DOCK7: variants seen among roughly 807,000 people sequenced by gnomAD.
DOCK7 encodes the protein dedicator of cytokinesis protein 7.
In DOCK7, 138 loss-of-function variants were observed where a neutral mutation model predicts 271.0. That is an observed-to-expected ratio of 0.51 (90% CI 0.44 to 0.59). The LOEUF is 0.59. DOCK7 is among the 20% of genes least tolerant of loss of function. The pLI is 0.00. For synonymous variants in DOCK7, 823 were observed against 876.1 expected (o/e 0.94, Z 1.07); for missense variants, 2,066 against 2,592.4 (o/e 0.80, Z 4.41).
chr1:62,504,687 C>T lies in DOCK7; in HGVS notation c.4707G>A (p.Arg1569=). 1 of 1,613,890 alleles carries T rather than the reference C, an allele frequency of 6.2e-7. No individual in the cohort carries two copies. Among genetic ancestry groups the T allele is most frequent in the Non-Finnish European group, 8.5e-7 (1 of 1,179,894 alleles). ...RHCSSSIGTI[R]SHASASLYLL... is the part of the protein sequence containing the mutation. The stretch of plus-strand genomic sequence containing the variant: ...GGTAAAGGGAGGCACTGGCGTGTGA[C>T]CGTATTGTACCGATGCTACTGCTAC... The change falls in exon 37 of 50, where the codon CGG becomes CGA. Residue 1569 remains arginine (R), a synonymous_variant. Coordinates refer to ENST00000635253, the MANE Select transcript of DOCK7 (RefSeq NM_001367561.1).
intron 1 of DOCK7, among the ~76,000 whole-genome samples, chr1:62,667,816 G>A (rs1487354905): frequency 6.6e-5 from 10 of 152,252 alleles, no homozygotes; most frequent in Admixed American, 1.3e-4. Context: ...TCAGGAGTTC[G>A]CGACCAGTCT....
chr1:62,660,412 CA>C (rs1280128075), intron 2 of DOCK7, among the ~76,000 whole-genome samples: 2 of 151,790 alleles, frequency 1.3e-5, no homozygotes, highest in South Asian at 2.1e-4. Flanking sequence ...AAATGTAAAC[CA>C]AAAGTATAAG....
intron 31 of DOCK7, among the ~76,000 whole-genome samples, chr1:62,517,615 A>C (rs1644704468): frequency 6.6e-6 from 1 of 152,058 alleles, no homozygotes; most frequent in African/African-American, 2.4e-5. Context: ...CAACAAAAAA[A>C]CCACCTCCAT....
At chr1:62,644,932 T>C (rs1259897942) in intron 7 of DOCK7, among the ~76,000 whole-genome samples, 1 of 152,194 alleles carries the variant, frequency 6.6e-6, no homozygotes, top group Non-Finnish European at 1.5e-5. Flanking sequence ...CTATATTTTA[T>C]TTCTCTGAGA....
Position 62,553,309 on chromosome 1 carries a change from A to ATTTT in DOCK7, c.2597-412_2597-409dup, listed in dbSNP as rs775716298. Among the ~76,000 whole-genome samples, 87 of 34,506 alleles carry ATTTT rather than the reference A, an allele frequency of 2.5e-3. 3 individuals are homozygous for ATTTT. The highest frequency in any genetic ancestry group is 1.7e-3 in the Non-Finnish European group (29 of 16,822). The allele number at this position is 34,506 out of a possible 152,430, so 22.6% of individuals were successfully genotyped here. The stretch of plus-strand genomic sequence containing the variant: ...AGGCAGGGTCTTCTAAATAAAAAGT[A>ATTTT]TTTTATATATATATATATATATATA... On this transcript the variant is annotated intron_variant, in intron 21 of 49. Transcript: ENST00000635253.
intron 48 of DOCK7, among the ~76,000 whole-genome samples, chr1:62,466,210 T>C (rs921293617): frequency 1.3e-5 from 2 of 151,974 alleles, no homozygotes; most frequent in Non-Finnish European, 2.9e-5. Context: ...GTTGTTGTTG[T>C]TTTTTCTGAA....
chr1:62,467,084 A>G (rs1306496229), intron 48 of DOCK7, among the ~76,000 whole-genome samples: 1 of 152,200 alleles, frequency 6.6e-6, no homozygotes, highest in Non-Finnish European at 1.5e-5. Context: ...GCACTATGGA[A>G]GAGAACTCTG....
chr1:62,623,283 A>G (rs1407600361), intron 12 of DOCK7, among the ~76,000 whole-genome samples: 4 of 152,232 alleles, frequency 2.6e-5, no homozygotes, highest in Admixed American at 2.6e-4. Context: ...CTACTTAAAA[A>G]TAGTTACAAA....
At chr1:62,477,666 A>G (rs1233846049) in intron 44 of DOCK7, 34 bp downstream of exon 44, 8 of 1,552,778 alleles carry the variant, frequency 5.2e-6, no homozygotes, top group Non-Finnish European at 6.9e-6. Context: ...ATACAAACTA[A>G]AGATGACATT....
At position 62,528,317 on chromosome 1, in the gene DOCK7, T is replaced by C. The variant is rs1409282507; in HGVS notation, c.3782-12A>G. 1.2e-6 allele frequency: 2 copies of C among 1,600,882 alleles called. No individual in the cohort carries two copies. The highest frequency in any genetic ancestry group is 4.5e-5 in the East Asian group (2 of 44,482). On this transcript the variant is annotated splice_polypyrimidine_tract_variant and intron_variant, in intron 30 of 49. Transcript: ENST00000635253. ...TTGATTGTGAGTTTCTAAAGAAAAA[T>C]AATCCAAAAAAATAAATAAAACTGT... is the stretch of plus-strand genomic sequence containing the variant.
intron 37 of DOCK7, among the ~76,000 whole-genome samples, chr1:62,500,484 A>G (rs2149311997): frequency 6.6e-6 from 1 of 152,240 alleles, no homozygotes. Context: ...CCCCAAACAC[A>G]GGAACAAAAC....
Position 62,663,126 on chromosome 1 carries a change from C to T in DOCK7, c.43G>A (p.Val15Met). 1.9e-6 allele frequency: 3 copies of T among 1,610,886 alleles called. No individual in the cohort carries two copies. The highest frequency in any genetic ancestry group is 2.5e-6 in the Non-Finnish European group (3 of 1,178,598). Residue 15 changes from valine (V) to methionine (M), a missense_variant, in exon 2 of 50, where the codon GTG (valine) becomes ATG (methionine). By Grantham distance (21) the Val-to-Met change is conservative (BLOSUM62 1). This residue lies in a region of DOCK7 where 1,414 missense variants were observed against 1,670.4 expected (regional missense o/e 0.85). Transcript: ENST00000635253. ...RAFAQKISRT[V>M]AAEVRKQISG... ...ATCTGCTTCCTAACTTCGGCTGCCA[C>T]CGTTCTACAATGAAGAAAGCAAAAA...
At chr1:62,468,457 A>C (rs1000548947) in intron 48 of DOCK7, among the ~76,000 whole-genome samples, 13 of 152,234 alleles carry the variant, frequency 8.5e-5, no homozygotes, top group Middle Eastern at 3.4e-3. Context: ...AGCCAACATA[A>C]TACTGAATGG....
intron 1 of DOCK7, among the ~76,000 whole-genome samples, chr1:62,672,242 A>G (rs1660097931): frequency 6.6e-6 from 1 of 152,148 alleles, no homozygotes; most frequent in East Asian, 1.9e-4. Flanking sequence ...TCATACAATA[A>G]TCATTTCTTG....
intron 48 of DOCK7, among the ~76,000 whole-genome samples, chr1:62,463,266 C>T (rs905472187): frequency 1.3e-5 from 2 of 152,088 alleles, no homozygotes; most frequent in Admixed American, 6.5e-5. Context: ...ATTTAATCCA[C>T]GACTACCTAT....
In DOCK7 at chr1:62,688,273, C is replaced by T. The variant is rs1173169361; in HGVS notation, c.-9G>A. Reference sequence around the variant, plus strand: ...GCGCGGCGCTCGGCCATGGCTGCTGCGGCGACGGCGACGGCGGCGGCGGCT... The same window carrying T: ...GCGCGGCGCTCGGCCATGGCTGCTGTGGCGACGGCGACGGCGGCGGCGGCT... On this transcript the variant is annotated 5_prime_UTR_variant, in exon 1 of 50. Coordinates refer to ENST00000635253, the MANE Select transcript of DOCK7 (RefSeq NM_001367561.1). 1.6e-6 allele frequency: 2 copies of T among 1,289,024 alleles called. No homozygotes were observed. 79.8% of individuals were successfully genotyped at this position (1,289,024 alleles called of 1,614,324 possible). A position where few individuals can be genotyped will look rare whatever the true frequency, so the allele number is the denominator to read the frequency against.
chr1:62,504,919 T>C, intron 36 of DOCK7, 137 bp from the exon 37 acceptor site: 2 of 1,048,076 alleles, frequency 1.9e-6, no homozygotes, highest in Non-Finnish European at 2.7e-6. Flanking sequence ...TAGCTAATGG[T>C]TAATAGTGTG....
At chr1:62,616,300 C>T (rs1557807083) in intron 14 of DOCK7, among the ~76,000 whole-genome samples, 1 of 151,612 alleles carries the variant, frequency 6.6e-6, no homozygotes, top group Non-Finnish European at 1.5e-5. Context: ...TCTATATTGG[C>T]TCTTTTTCCA....
chr1:62,604,925 T>A, intron 14 of DOCK7: 1 of 1,157,938 alleles, frequency 8.6e-7, no homozygotes, highest in Non-Finnish European at 1.3e-6. Context: ...AGAAATAGAT[T>A]TTTTTTATCT....
Sources: gnomAD v4.1 joint callset for allele counts (sites outside exome capture counted in the v4.1 genomes callset) on GRCh38, gnomAD v4.1.1 for gene constraint, gnomAD v4.1.1 regional missense constraint, MANE v1.5 for transcripts, NCBI Gene and HGNC (gene_info 2026-07-23, HGNC 2026-07-21) for gene names.